TNRC18: variants seen among roughly 807,000 people sequenced by gnomAD.
TNRC18 encodes trinucleotide repeat containing 18.
TNRC18 carries 69 observed loss-of-function variants against 226.7 expected under a neutral mutation model. The observed-to-expected ratio is 0.30, with a 90% CI of 0.25 to 0.37. The LOEUF is 0.37. TNRC18 is among the 10% of genes least tolerant of loss of function. The probability of loss-of-function intolerance (pLI) is 1.00; values close to 1 mark genes in which losing one functional copy is unlikely to be tolerated. For missense variants in TNRC18, 4,754 were observed against 4,256.6 expected (o/e 1.12, Z -3.25); for synonymous variants, 2,449 against 1,927.6 (o/e 1.27, Z -7.09).
chr7:5,372,070 AT>A (rs35270494), intron 10 of TNRC18, among the ~76,000 whole-genome samples: 68,878 of 144,620 alleles, frequency 0.48, 16,115 homozygotes, highest in South Asian at 0.57. Context: ...CGCCTGGCTA[AT>A]TTTTTTTTTT....
rs1283666646 is a variant in TNRC18 at position 5,313,310 on chromosome 7, C to T, written c.7581G>A (p.Gln2527=). ...WPKATDGDLA[Q]EPGPGLTFED... ...CGAACGTGAGCCCCGGCCCGGGCTC[C>T]TGGGCGAGGTCCCCGTCGGTGGCCT... Residue 2527 remains glutamine, a synonymous_variant, in exon 27 of 30, where the codon CAG becomes CAA. Coordinates refer to ENST00000430969, the MANE Select transcript of TNRC18 (RefSeq NM_001080495.3). The T allele has an allele frequency of 7.7e-6, 12 of 1,549,196 alleles. No individual in the cohort carries two copies. The highest frequency in any genetic ancestry group is 1.0e-5 in the Non-Finnish European group (12 of 1,147,120).
At chr7:5,363,319 T>C (rs1013946857) in intron 11 of TNRC18, among the ~76,000 whole-genome samples, 1 of 126,954 alleles carries the variant, frequency 7.9e-6, no homozygotes, top group African/African-American at 3.0e-5. Context: ...AATAAATAAA[T>C]AGGCCAGGCG....
chr7:5,322,773 G>A (rs1309618751), intron 21 of TNRC18, among the ~76,000 whole-genome samples: 6 of 152,186 alleles, frequency 3.9e-5, no homozygotes, highest in African/African-American at 1.2e-4. Context: ...GTCTGTCCCC[G>A]ACATTCTCAT....
At chr7:5,410,880 AAAAAG>A (rs1781795433) in intron 2 of TNRC18, among the ~76,000 whole-genome samples, 1 of 150,224 alleles carries the variant, frequency 6.7e-6, no homozygotes, top group African/African-American at 2.4e-5. Flanking sequence ...AAAAAAAAAA[AAAAAG>A]GGAAGAGAAA....
intron 18 of TNRC18, among the ~76,000 whole-genome samples, chr7:5,333,828 T>C (rs1789812942): frequency 6.6e-6 from 1 of 152,136 alleles, no homozygotes; most frequent in Non-Finnish European, 1.5e-5. Flanking sequence ...GGAAGTCCTC[T>C]ATGGCCGCAC....
rs750106937 is a variant in TNRC18 at position 5,313,779 on chromosome 7, C to G, written c.7112G>C (p.Gly2371Ala). 3.2e-6 allele frequency: 5 copies of G among 1,542,234 alleles called. No individual in the cohort carries two copies. The highest frequency in any genetic ancestry group is 1.4e-5 in the African/African-American group (1 of 72,596). Residue 2371 changes from glycine to alanine, a missense_variant, in exon 27 of 30, where the codon GGT becomes GCT. Gly to Ala is a moderately conservative substitution (Grantham distance 60). Coordinates refer to ENST00000430969, the MANE Select transcript of TNRC18 (RefSeq NM_001080495.3). ...AGGCTCTGGGGGGCTCTTCTTGGAA[C>G]CTGGGGTGCTGCTCGGCTCCAGGGC... ...PLALEPSSTP[G>A]SKKSPPEPVD...
intron 11 of TNRC18, among the ~76,000 whole-genome samples, chr7:5,364,759 G>A (rs1793448225): frequency 7.5e-6 from 1 of 133,824 alleles, no homozygotes; most frequent in Non-Finnish European, 1.5e-5. Flanking sequence ...AGGCATGATA[G>A]CCCCACTGTA....
In TNRC18 at chr7:5,386,062, G is replaced by T. The variant is rs192952607; in HGVS notation, c.2152+1610C>A. ...AGCACTTTGGGAGGCCGAGGCGGGT[G>T]GATCACTTGAGGTCAGGAGTTTGAG... On this transcript the variant is annotated intron_variant, in intron 5 of 29. Transcript: ENST00000430969. 3.9e-3 allele frequency among the ~76,000 whole-genome samples: 589 copies of T among 151,742 alleles called. 3 individuals carry two copies. Among genetic ancestry groups the T allele is most frequent in the African/African-American group, 0.014 (566 of 41,258 alleles).
At position 5,307,421 on chromosome 7, in the gene TNRC18, G is replaced by A. The variant is rs537546802; in HGVS notation, c.*685C>T. 286 of 329,532 alleles carry A rather than the reference G, an allele frequency of 8.7e-4. No individual in the cohort carries two copies. The highest frequency in any genetic ancestry group is 5.7e-3 in the African/African-American group (262 of 45,662). 20.4% of individuals were successfully genotyped at this position (329,532 alleles called of 1,614,324 possible). ...GGGGAGGGGCCAGGCGTGGCCGGGC[G>A]ACAGTTTCAGCACCATTGGGGTTTT... On this transcript the variant is annotated 3_prime_UTR_variant, in exon 30 of 30. Coordinates refer to ENST00000430969, the MANE Select transcript of TNRC18 (RefSeq NM_001080495.3).
At position 5,394,675 on chromosome 7, in the gene TNRC18, G is replaced by T; in HGVS notation, c.188-80C>A. 2.0e-6 allele frequency: 2 copies of T among 975,768 alleles called. No individual in the cohort carries two copies. The highest frequency in any genetic ancestry group is 1.5e-5 in the South Asian group (1 of 65,350). The allele number at this position is 975,768 out of a possible 1,614,324, so 60.4% of individuals were successfully genotyped here. A position where few individuals can be genotyped will look rare whatever the true frequency, so the allele number is the denominator to read the frequency against. ...CCCCAGCCCACCGCCCCGACCCACC[G>T]CCCCGAGACCGCCGCCTCTCCCCAG... On this transcript the variant is annotated intron_variant, in intron 2 of 29. Coordinates refer to ENST00000430969, the MANE Select transcript of TNRC18 (RefSeq NM_001080495.3). The surrounding 1 kb of genome is among the most constrained non-coding windows in gnomAD (Gnocchi z 4.5).
intron 9 of TNRC18, among the ~76,000 whole-genome samples, chr7:5,375,389 C>G (rs1465805847): frequency 1.3e-5 from 2 of 152,188 alleles, no homozygotes; most frequent in African/African-American, 4.8e-5. Context: ...GATTACTAAA[C>G]AGTCACATTT....
At chr7:5,308,779 G>C (rs1277088483) in intron 29 of TNRC18, 96 bp downstream of exon 29, 2 of 1,363,928 alleles carry the variant, frequency 1.5e-6, no homozygotes, top group African/African-American at 1.4e-5. Context: ...GACCATGGGG[G>C]ACAGAGCAGC....
Position 5,370,658 on chromosome 7 carries a change from C to A in TNRC18, c.3936G>T (p.Glu1312Asp). Reference sequence around the variant, plus strand: ...AGGTGCTGCCGAGTACAGGCACGGCCTCTTGGGGCTCCAGGCTCGGGCACT... The same window carrying A: ...AGGTGCTGCCGAGTACAGGCACGGCATCTTGGGGCTCCAGGCTCGGGCACT... ...EGQCPSLEPQ[E>D]AVPVLGSTCF... Residue 1312 changes from glutamate to aspartate, a missense_variant, in exon 11 of 30, where the codon GAG (glutamate) becomes GAT (aspartate). Coordinates refer to ENST00000430969, the MANE Select transcript of TNRC18 (RefSeq NM_001080495.3). 1 of 1,612,860 alleles carries A rather than the reference C, an allele frequency of 6.2e-7. No individual in the cohort carries two copies. Among genetic ancestry groups the A allele is most frequent in the Non-Finnish European group, 8.5e-7 (1 of 1,179,756 alleles).
chr7:5,335,443 G>A (rs1274808129), intron 18 of TNRC18, among the ~76,000 whole-genome samples: 3 of 150,958 alleles, frequency 2.0e-5, no homozygotes, highest in African/African-American at 7.3e-5. Context: ...CACCATCTCT[G>A]ATAAAAATAC....
At chr7:5,404,841 C>T (rs1216738662) in intron 2 of TNRC18, among the ~76,000 whole-genome samples, 2 of 151,706 alleles carry the variant, frequency 1.3e-5, no homozygotes, top group African/African-American at 4.9e-5. Flanking sequence ...TGGCGGAGCA[C>T]GGTAGCTCAT....
At chr7:5,326,604 C>T (rs1459369814) in intron 19 of TNRC18, among the ~76,000 whole-genome samples, 1 of 151,700 alleles carries the variant, frequency 6.6e-6, no homozygotes, top group Non-Finnish European at 1.5e-5. Context: ...TACCGCCATG[C>T]CCAGCTAAAA....
At chr7:5,331,518 AC>A (rs1465763663) in intron 19 of TNRC18, among the ~76,000 whole-genome samples, 2 of 152,216 alleles carry the variant, frequency 1.3e-5, no homozygotes, top group East Asian at 3.8e-4. Flanking sequence ...CCACAAAAGT[AC>A]CAGCAGCGCC....
At chr7:5,344,399 G>A (rs1347280512) in intron 18 of TNRC18, among the ~76,000 whole-genome samples, 1 of 152,176 alleles carries the variant, frequency 6.6e-6, no homozygotes, top group African/African-American at 2.4e-5. Context: ...TAGCCTTGTA[G>A]GGGGCCCTGG....
chr7:5,411,195 TAC>T (rs1781817161), intron 2 of TNRC18, among the ~76,000 whole-genome samples: 1 of 112,976 alleles, frequency 8.9e-6, no homozygotes, highest in Non-Finnish European at 1.7e-5. Flanking sequence ...CCGCTTGGGC[TAC>T]AGAGTGAGAC....
Sources: gnomAD v4.1 joint callset for allele counts (sites outside exome capture counted in the v4.1 genomes callset) on GRCh38, gnomAD v4.1.1 for gene constraint, Gnocchi (gnomAD v3.1) non-coding constraint, MANE v1.5 for transcripts, NCBI Gene and HGNC (gene_info 2026-07-23, HGNC 2026-07-21) for gene names.